The following MAP2K5 variants were observed in gnomAD, a reference collection of about 807,000 sequenced individuals.
The protein encoded by MAP2K5 is dual specificity mitogen-activated protein kinase kinase 5.
MAP2K5 carries 49 observed loss-of-function variants against 83.1 expected under a neutral mutation model. The observed-to-expected ratio is 0.59, with a 90% CI of 0.47 to 0.75. MAP2K5 has a LOEUF of 0.75. Among genes scored for constraint, MAP2K5 ranks in the 30% least tolerant of loss-of-function variants. MAP2K5 has a pLI of 0.00. For missense variants in MAP2K5, 457 were observed against 557.5 expected (o/e 0.82, Z 1.82); for synonymous variants, 202 against 191.8 (o/e 1.05, Z -0.44).
intron 2 of MAP2K5, among the ~76,000 whole-genome samples, chr15:67,560,464 C>A (rs191889337): frequency 6.0e-4 from 91 of 152,368 alleles, no homozygotes; most frequent in Admixed American, 2.0e-3. Context: ...ATCCTATTAA[C>A]CCACAACAAC....
intron 3 of MAP2K5, among the ~76,000 whole-genome samples, chr15:67,574,503 C>T (rs1293246375): frequency 2.0e-5 from 3 of 151,038 alleles, no homozygotes; most frequent in Admixed American, 6.6e-5. Flanking sequence ...ACCCAGGAGG[C>T]GGAAGTTGTA....
intron 1 of MAP2K5, among the ~76,000 whole-genome samples, chr15:67,546,858 A>G (rs1470699244): frequency 1.3e-5 from 2 of 152,086 alleles, no homozygotes; most frequent in South Asian, 4.1e-4. Context: ...TAAACTCAGG[A>G]GTTCGAGACC....
intron 9 of MAP2K5, among the ~76,000 whole-genome samples, chr15:67,633,660 C>T (rs959340781): frequency 2.6e-5 from 4 of 152,126 alleles, no homozygotes; most frequent in Non-Finnish European, 5.9e-5. Context: ...GGCTTTACAA[C>T]AAGAACTGTA....
chr15:67,546,806 T>G (rs2140939311), intron 1 of MAP2K5, among the ~76,000 whole-genome samples: 1 of 152,286 alleles, frequency 6.6e-6, no homozygotes, highest in East Asian at 1.9e-4. Flanking sequence ...GGCTTAGGCC[T>G]GTAATGCCAA....
In MAP2K5 at chr15:67,722,351, C is replaced by CTTT. The variant is rs200075045; in HGVS notation, c.1045-5552_1045-5550dup. Among the ~76,000 whole-genome samples the CTTT allele has an allele frequency of 7.1e-6, 1 of 141,502 alleles. No individual in the cohort carries two copies. 92.8% of individuals were successfully genotyped at this position (141,502 alleles called of 152,430 possible). A position where few individuals can be genotyped will look rare whatever the true frequency, so the allele number is the denominator to read the frequency against. On this transcript the variant is annotated intron_variant, in intron 16 of 21. Transcript: ENST00000178640. The surrounding 1 kb of genome is among the most constrained non-coding windows in gnomAD (Gnocchi z 4.2). Reference sequence around the variant, plus strand: ...CAGAAGATTAAATTAATTTGTAACTCTTTTTTTTTTTTTTTGGTCCTGCAT... The same window carrying CTTT: ...CAGAAGATTAAATTAATTTGTAACTCTTTTTTTTTTTTTTTTTTGGTCCTGCAT...
At chr15:67,744,470 T>G (rs2089560585) in intron 17 of MAP2K5, among the ~76,000 whole-genome samples, 1 of 152,262 alleles carries the variant, frequency 6.6e-6, no homozygotes, top group Non-Finnish European at 1.5e-5. Flanking sequence ...AGATCTGACC[T>G]AGGTCACACA....
At chr15:67,620,965 C>CA (rs947858733) in intron 8 of MAP2K5, among the ~76,000 whole-genome samples, 1 of 151,870 alleles carries the variant, frequency 6.6e-6, no homozygotes, top group African/African-American at 2.4e-5. Flanking sequence ...TCAATAATTA[C>CA]AAAAAATATA....
rs1484699910 is a variant in MAP2K5 at position 67,758,509 on chromosome 15, G to T, written c.1134+9908G>T. The stretch of plus-strand genomic sequence containing the variant: ...TATGAGTTTAACAACTAGACTCTAA[G>T]TTCCTAGACATTTTATTTCTGTCTT... On this transcript the variant is annotated intron_variant, in intron 19 of 21. Coordinates refer to ENST00000178640, the MANE Select transcript of MAP2K5 (RefSeq NM_145160.3). The surrounding 1 kb of genome is among the most constrained non-coding windows in gnomAD (Gnocchi z 4.7). 1.6e-5 allele frequency among the ~76,000 whole-genome samples: 2 copies of T among 123,454 alleles called. No homozygotes were observed. The highest frequency in any genetic ancestry group is 5.1e-5 in the African/African-American group (2 of 39,158). 81.0% of individuals were successfully genotyped at this position (123,454 alleles called of 152,430 possible). A position where few individuals can be genotyped will look rare whatever the true frequency, so the allele number is the denominator to read the frequency against.
rs369053729 is a variant in MAP2K5 at position 67,644,319 on chromosome 15, G to A, written c.586-1912G>A. Among the ~76,000 whole-genome samples, 5 of 151,994 alleles carry A rather than the reference G, an allele frequency of 3.3e-5. No homozygotes were observed. Among genetic ancestry groups the A allele is most frequent in the African/African-American group, 7.3e-5 (3 of 41,378 alleles). ...TGAGGCAGGAGAATGGCTTGAACCCGGGAGGCGGAGGTTGCAGTGAGCCAA... is the reference window on the plus strand; with the variant it reads ...TGAGGCAGGAGAATGGCTTGAACCCAGGAGGCGGAGGTTGCAGTGAGCCAA... On this transcript the variant is annotated intron_variant, in intron 9 of 21. Transcript: ENST00000178640. The surrounding 1 kb of genome is among the most constrained non-coding windows in gnomAD (Gnocchi z 4.6).
Position 67,711,295 on chromosome 15 carries a change from G to C in MAP2K5, c.1044+7887G>C, listed in dbSNP as rs191787848. Among the ~76,000 whole-genome samples, 224 of 152,284 alleles carry C rather than the reference G, an allele frequency of 1.5e-3. 1 individual carries two copies. Among genetic ancestry groups the C allele is most frequent in the African/African-American group, 5.0e-3 (208 of 41,568 alleles). ...GATGGAGTCTTTAATATAAATGCCC[G>C]TAAGTGTTTGGAGAATAGATCACAG... is the stretch of plus-strand genomic sequence containing the variant. On this transcript the variant is annotated intron_variant, in intron 16 of 21. Transcript: ENST00000178640.
chr15:67,686,642 T>TAATAATAACAAC (rs869154734), intron 13 of MAP2K5, among the ~76,000 whole-genome samples: 8 of 124,856 alleles, frequency 6.4e-5, no homozygotes, highest in African/African-American at 2.4e-4. Flanking sequence ...ATAATAATAA[T>TAATAATAACAAC]AACATGTTGT....
intron 13 of MAP2K5, among the ~76,000 whole-genome samples, chr15:67,675,629 C>T (rs1419591455): frequency 6.6e-6 from 1 of 152,146 alleles, no homozygotes; most frequent in Non-Finnish European, 1.5e-5. Context: ...TATTTCTTAC[C>T]ATTGTAAATG....
chr15:67,749,409 T>G lies in MAP2K5; in HGVS notation c.1134+808T>G, dbSNP rs1464083965. Among the ~76,000 whole-genome samples, 1 of 152,198 alleles carries G rather than the reference T, an allele frequency of 6.6e-6. No homozygotes were observed. The highest frequency in any genetic ancestry group is 2.4e-5 in the African/African-American group (1 of 41,452). The stretch of plus-strand genomic sequence containing the variant: ...ACTAGCAATGTTTATTTTTTAAACT[T>G]TAATTTTATAATATTTAAAACAGTT... On this transcript the variant is annotated intron_variant, in intron 19 of 21. Transcript: ENST00000178640. This position sits in a 1 kb window ranked among gnomAD's most constrained non-coding sequence, Gnocchi z 4.6.
At chr15:67,762,425 C>T (rs914535853) in intron 19 of MAP2K5, among the ~76,000 whole-genome samples, 1 of 152,074 alleles carries the variant, frequency 6.6e-6, no homozygotes, top group African/African-American at 2.4e-5. Flanking sequence ...GGAAAGGAAG[C>T]AATTATAAAT....
At position 67,774,041 on chromosome 15, in the gene MAP2K5, A is replaced by G. The variant is rs573983962; in HGVS notation, c.1242+1289A>G. Among the ~76,000 whole-genome samples, 3 of 152,330 alleles carry G rather than the reference A, an allele frequency of 2.0e-5. No homozygotes were observed. Among genetic ancestry groups the G allele is most frequent in the African/African-American group, 4.8e-5 (2 of 41,580 alleles). On this transcript the variant is annotated intron_variant, in intron 21 of 21. Transcript: ENST00000178640. The surrounding 1 kb of genome is among the most constrained non-coding windows in gnomAD (Gnocchi z 4.9). ...TATAAATAAAACATCTGCAGATCAC[A>G]CATACGCCCATAAATGTATATGGAT... is the stretch of plus-strand genomic sequence containing the variant.
At chr15:67,607,070 G>A (rs1419578550) in intron 8 of MAP2K5, among the ~76,000 whole-genome samples, 1 of 152,168 alleles carries the variant, frequency 6.6e-6, no homozygotes, top group Non-Finnish European at 1.5e-5. Flanking sequence ...TAAATTAAGA[G>A]TAGTTTTTAA....
chr15:67,583,071 ATCC>A (rs1317177601), intron 4 of MAP2K5, among the ~76,000 whole-genome samples: 5 of 152,100 alleles, frequency 3.3e-5, no homozygotes, highest in Non-Finnish European at 5.9e-5. Context: ...ATCATCTGTA[ATCC>A]TCCTGATAGT....
chr15:67,619,572 TA>T (rs2086133504), intron 8 of MAP2K5, among the ~76,000 whole-genome samples: 1 of 152,184 alleles, frequency 6.6e-6, no homozygotes, highest in Admixed American at 6.5e-5. Context: ...AAACTTACAA[TA>T]AAGTAGAACA....
intron 16 of MAP2K5, among the ~76,000 whole-genome samples, chr15:67,716,901 G>A (rs568214834): frequency 6.6e-6 from 1 of 152,190 alleles, no homozygotes; most frequent in South Asian, 2.1e-4. Context: ...AGCAACTTGA[G>A]GCACCAAATA....
Sources: gnomAD v4.1 joint callset for allele counts (sites outside exome capture counted in the v4.1 genomes callset) on GRCh38, gnomAD v4.1.1 for gene constraint, Gnocchi (gnomAD v3.1) non-coding constraint, MANE v1.5 for transcripts, NCBI Gene and HGNC (gene_info 2026-07-23, HGNC 2026-07-21) for gene names.